PCNT: variants seen among roughly 807,000 people sequenced by gnomAD.
PCNT encodes kendrin.
Under a neutral mutation model 380.4 loss-of-function variants are expected in PCNT, and 319 were observed. The ratio of observed to expected loss-of-function variants is 0.84; its 90% CI spans 0.77 to 0.92. The LOEUF (loss-of-function observed/expected upper bound fraction) is 0.92. PCNT is among the 40% of genes least tolerant of loss of function. The pLI, the probability that PCNT is intolerant of heterozygous loss-of-function variation, is 0.00. For missense variants in PCNT, 4,400 were observed against 4,255.3 expected, an observed-to-expected ratio of 1.03 and a Z score of -0.95; for synonymous variants, 1,845 against 1,735.2, an observed-to-expected ratio of 1.06 and a Z score of -1.57.
At position 46,351,502 on chromosome 21, in the gene PCNT, A is replaced by C. The variant is rs1175625637; in HGVS notation, c.1418A>C (p.Gln473Pro). 3 of 1,612,340 alleles carry C rather than the reference A, an allele frequency of 1.9e-6. No individual in the cohort carries two copies. Among genetic ancestry groups the C allele is most frequent in the Non-Finnish European group, 2.5e-6 (3 of 1,178,270 alleles). The change falls in exon 9 of 47, where the codon CAG (glutamine) becomes CCG (proline). Residue 473 changes from glutamine (Q) to proline (P), a missense_variant. Physicochemically the swap from Gln to Pro is moderately conservative, Grantham distance 76. Transcript: ENST00000359568. ...SQEEIRRLWSQLDSARTSRQE... is the reference protein window; with the variant it reads ...SQEEIRRLWSPLDSARTSRQE... ...GAAGAGATCAGGCGCTTGTGGTCCC[A>C]GCTTGATTCTGCCAGGACCAGTAGA...
intron 33 of PCNT, among the ~76,000 whole-genome samples, chr21:46,426,201 T>C (rs920288809): frequency 1.3e-5 from 2 of 149,614 alleles, no homozygotes; most frequent in Admixed American, 1.3e-4. Flanking sequence ...GCCCAGCTAA[T>C]TTTTGTATTT....
chr21:46,365,810 G>A (rs377646382), intron 14 of PCNT, among the ~76,000 whole-genome samples: 2 of 145,262 alleles, frequency 1.4e-5, no homozygotes, highest in South Asian at 2.2e-4. Context: ...ACTGCCATGG[G>A]GTTCTATTCA....
chr21:46,417,455 G>A (rs2087077072), intron 30 of PCNT, among the ~76,000 whole-genome samples: 1 of 152,078 alleles, frequency 6.6e-6, no homozygotes. Flanking sequence ...GCCTCCCAAA[G>A]TGCTGGGCTT....
intron 13 of PCNT, among the ~76,000 whole-genome samples, chr21:46,361,810 TA>T (rs2084730209): frequency 6.6e-6 from 1 of 152,212 alleles, no homozygotes; most frequent in Admixed American, 6.5e-5. Context: ...TTTGTGGCAT[TA>T]AAAAGTCTAA....
intron 32 of PCNT, among the ~76,000 whole-genome samples, chr21:46,423,702 AGGGGG>A (rs2087351433): frequency 1.2e-5 from 1 of 83,048 alleles, no homozygotes; most frequent in African/African-American, 4.9e-5. Flanking sequence ...GCAGAGGAGG[AGGGGG>A]AGAGGAGGAG....
intron 8 of PCNT, among the ~76,000 whole-genome samples, chr21:46,350,692 C>G (rs2084234901): frequency 6.6e-6 from 1 of 152,184 alleles, no homozygotes; most frequent in African/African-American, 2.4e-5. Flanking sequence ...CAGCGGGACT[C>G]TGGTGCCCAC....
At chr21:46,357,890 T>G in intron 13 of PCNT, among the ~76,000 whole-genome samples, 1 of 152,264 alleles carries the variant, frequency 6.6e-6, no homozygotes, top group Non-Finnish European at 1.5e-5. Flanking sequence ...GTTTTGCACC[T>G]GTGGAAGAGG....
intron 14 of PCNT, among the ~76,000 whole-genome samples, chr21:46,365,554 G>C (rs35491932): frequency 0.071 from 5,387 of 75,576 alleles, 594 homozygotes; most frequent in Admixed American, 0.15. Context: ...TCTGATCACT[G>C]CCGTGGGGTT....
rs148193756 is a variant in PCNT, at chr21:46,343,647, A to G, written c.640-2481A>G. The stretch of plus-strand genomic sequence containing the variant: ...TACTGACTTCATAGAATGATTTAGG[A>G]AGGATTCTTTCTTTCTCTATCTTTT... On this transcript the variant is annotated intron_variant, in intron 3 of 46. Coordinates refer to ENST00000359568, the MANE Select transcript of PCNT (RefSeq NM_006031.6). Among the ~76,000 whole-genome samples, 49 of 152,120 alleles carry G rather than the reference A, an allele frequency of 3.2e-4. No individual in the cohort carries two copies. In the East Asian group the frequency reaches 9.1e-3, roughly 28 times the overall value.
chr21:46,359,688 T>C (rs9981382), intron 13 of PCNT, among the ~76,000 whole-genome samples: 10 of 114,320 alleles, frequency 8.7e-5, no homozygotes, highest in African/African-American at 9.6e-5. Flanking sequence ...GGGGTTTCAT[T>C]ATGTTGGCCG....
chr21:46,386,870 G>C lies in PCNT; in HGVS notation c.3464+887G>C, dbSNP rs145665705. On this transcript the variant is annotated intron_variant, in intron 17 of 46. Coordinates refer to ENST00000359568, the MANE Select transcript of PCNT (RefSeq NM_006031.6). ...CCTCCCCTTGGTGCGCGTCCTCCCCGTCCCCTTGTGTGGGTCTTTGGCTGC... is the reference window on the plus strand; with the variant it reads ...CCTCCCCTTGGTGCGCGTCCTCCCCCTCCCCTTGTGTGGGTCTTTGGCTGC... Among the ~76,000 whole-genome samples, 164 of 152,256 alleles carry C rather than the reference G, an allele frequency of 1.1e-3. 1 individual carries two copies. Among genetic ancestry groups the C allele is most frequent in the African/African-American group, 3.8e-3 (158 of 41,548 alleles).
rs748829693 is a variant in PCNT, at chr21:46,425,867, A to C, written c.7216A>C (p.Ile2406Leu). ...LQMVRDESHQ[I>L]LALSEGLAPP... ...GATGGTGCGTGACGAGAGCCACCAG[A>C]TCCTGGCGCTGTCAGAAGGCCTTGC... Residue 2406 changes from isoleucine (I) to leucine (L), a missense_variant, in exon 33 of 47, where the codon ATC (isoleucine) becomes CTC (leucine). Ile to Leu is a conservative substitution (Grantham distance 5, BLOSUM62 2). Transcript: ENST00000359568. The surrounding 1 kb of genome is among the most constrained non-coding windows in gnomAD (Gnocchi z 4.2). The C allele has an allele frequency of 6.2e-7, 1 of 1,613,724 alleles. No individual in the cohort carries two copies. The highest frequency in any genetic ancestry group is 8.5e-7 in the Non-Finnish European group (1 of 1,179,996).
At position 46,381,688 on chromosome 21, in the gene PCNT, G is replaced by A. The variant is rs1386317202; in HGVS notation, c.3166-6G>A. 2.5e-6 allele frequency: 4 copies of A among 1,612,408 alleles called. No individual in the cohort carries two copies. The South Asian group carries it at 3.3e-5, about 13-fold the overall frequency. Reference sequence around the variant, plus strand: ...TGGTATTTTTTATTGTTATTGATGTGTACAGGGTGAATTTGGAAGTGAAAA... The same window carrying A: ...TGGTATTTTTTATTGTTATTGATGTATACAGGGTGAATTTGGAAGTGAAAA... On this transcript the variant is annotated splice_region_variant and splice_polypyrimidine_tract_variant and intron_variant, in intron 15 of 46. Coordinates refer to ENST00000359568, the MANE Select transcript of PCNT (RefSeq NM_006031.6).
intron 38 of PCNT, 22 bp from the exon 39 acceptor site, chr21:46,435,882 G>A (rs181142225): frequency 7.4e-6 from 12 of 1,613,944 alleles, no homozygotes; most frequent in Non-Finnish European, 1.0e-5. Flanking sequence ...CGTCTTCTCT[G>A]TCTTTTTTCT....
At chr21:46,442,827 G>T (rs1276872587) in intron 44 of PCNT, 2 of 562,874 alleles carry the variant, frequency 3.6e-6, no homozygotes, top group Non-Finnish European at 6.4e-6. Flanking sequence ...TCAATATATT[G>T]ATTATTTAAT....
chr21:46,368,221 A>G lies in PCNT; in HGVS notation c.3165+1082A>G, dbSNP rs539215446. 2.5e-3 allele frequency among the ~76,000 whole-genome samples: 383 copies of G among 152,204 alleles called. 3 individuals are homozygous for G. Among genetic ancestry groups the G allele is most frequent in the African/African-American group, 8.5e-3 (355 of 41,544 alleles). On this transcript the variant is annotated intron_variant, in intron 15 of 46. Coordinates refer to ENST00000359568, the MANE Select transcript of PCNT (RefSeq NM_006031.6). ...AGCACTTTGGGAGGCCAAGGCGGGC[A>G]GATCACAAGGTCAGGTGATCGAGAC...
intron 15 of PCNT, 22 bp downstream of exon 15, chr21:46,367,161 C>A: frequency 6.2e-7 from 1 of 1,604,426 alleles, no homozygotes; most frequent in Non-Finnish European, 8.5e-7. Flanking sequence ...GGGCCCTGCC[C>A]CAGCCCAGGG....
Position 46,326,378 on chromosome 21 carries a change from T to G in PCNT, c.56T>G (p.Leu19Arg). The change falls in exon 2 of 47, where the codon CTT becomes CGT. Residue 19 changes from leucine (L) to arginine (R), a missense_variant and splice_region_variant. Transcript: ENST00000359568. ...CTACTTATCTACATTTTTGCGCAGCTTGCTCACTTCCGACAGAGAAAAACA... is the reference window on the plus strand; with the variant it reads ...CTACTTATCTACATTTTTGCGCAGCGTGCTCACTTCCGACAGAGAAAAACA... Reference protein sequence around the residue: ...RRKVEAGRTKLAHFRQRKTKG... With the variant: ...RRKVEAGRTKRAHFRQRKTKG... 1 of 1,614,162 alleles carries G rather than the reference T, an allele frequency of 6.2e-7. No homozygotes were observed. Among genetic ancestry groups the G allele is most frequent in the East Asian group, 2.2e-5 (1 of 44,886 alleles).
chr21:46,403,581 CAT>C (rs2147529951), intron 27 of PCNT, among the ~76,000 whole-genome samples: 4 of 121,634 alleles, frequency 3.3e-5, no homozygotes, highest in African/African-American at 9.0e-5. Context: ...CCACGTGGCA[CAT>C]GCTCGGTGAG....
Sources: gnomAD v4.1 joint callset for allele counts (sites outside exome capture counted in the v4.1 genomes callset) on GRCh38, gnomAD v4.1.1 for gene constraint, Gnocchi (gnomAD v3.1) non-coding constraint, MANE v1.5 for transcripts, NCBI Gene and HGNC (gene_info 2026-07-23, HGNC 2026-07-21) for gene names.